The following PRORP variants were observed in gnomAD, a reference collection of about 807,000 sequenced individuals.
PRORP encodes the protein mitochondrial ribonuclease P catalytic subunit.
In PRORP, 51 loss-of-function variants were observed where a neutral mutation model predicts 59.4. The ratio of observed to expected loss-of-function variants is 0.86; its 90% CI spans 0.69 to 1.08. The LOEUF is 1.08. PRORP is among the 50% of genes least tolerant of loss of function. The probability of loss-of-function intolerance (pLI) is 0.00; values close to 1 mark genes in which losing one functional copy is unlikely to be tolerated. For missense variants in PRORP, 646 were observed against 690.3 expected, an observed-to-expected ratio of 0.94 and a Z score of 0.72; for synonymous variants, 231 against 245.6, an observed-to-expected ratio of 0.94 and a Z score of 0.55.
At chr14:35,237,370 G>A (rs2050249767) in intron 5 of PRORP, among the ~76,000 whole-genome samples, 3 of 151,900 alleles carry the variant, frequency 2.0e-5, no homozygotes, top group Admixed American at 1.3e-4. Context: ...TGGGGTTACA[G>A]GCATCAACCA....
chr14:35,225,719 A>G (rs2049917225), intron 5 of PRORP, among the ~76,000 whole-genome samples: 1 of 151,936 alleles, frequency 6.6e-6, no homozygotes, highest in Non-Finnish European at 1.5e-5. Context: ...CAACTGTACA[A>G]CCTGTCTAAT....
intron 3 of PRORP, 109 bp downstream of exon 3, chr14:35,126,891 T>A: frequency 3.8e-6 from 3 of 786,922 alleles, no homozygotes; most frequent in Non-Finnish European, 6.2e-6. Context: ...AATTACAAGT[T>A]TGTAATTAGA....
At chr14:35,237,941 A>C (rs1054511844) in intron 5 of PRORP, among the ~76,000 whole-genome samples, 3 of 152,174 alleles carry the variant, frequency 2.0e-5, no homozygotes, top group African/African-American at 7.2e-5. Context: ...GGCATGAGCC[A>C]CCGTGCCTGG....
intron 4 of PRORP, among the ~76,000 whole-genome samples, chr14:35,155,597 A>T (rs954543094): frequency 2.0e-4 from 30 of 150,722 alleles, no homozygotes; most frequent in Middle Eastern, 3.4e-3. Context: ...ACAAATACAC[A>T]TATGCTTTCA....
chr14:35,205,321 A>G (rs1204371456), intron 5 of PRORP, among the ~76,000 whole-genome samples: 1 of 152,188 alleles, frequency 6.6e-6, no homozygotes, highest in South Asian at 2.1e-4. Context: ...AGCTGGGATT[A>G]CAGGCTAATG....
intron 5 of PRORP, among the ~76,000 whole-genome samples, chr14:35,251,652 T>TCAAGCGATTCTCCTGCCTC: frequency 6.6e-6 from 1 of 152,146 alleles, no homozygotes; most frequent in Non-Finnish European, 1.5e-5. Context: ...CCTCCTGGGT[T>TCAAGCGATTCTCCTGCCTC]CAAGCGATTC....
At chr14:35,217,062 T>C (rs527347531) in intron 5 of PRORP, among the ~76,000 whole-genome samples, 96 of 152,336 alleles carry the variant, frequency 6.3e-4, no homozygotes, top group African/African-American at 2.2e-3. Context: ...TTCTCAGATA[T>C]ATATTTGCAA....
chr14:35,133,251 A>G (rs1039490246), intron 4 of PRORP, among the ~76,000 whole-genome samples: 3 of 152,200 alleles, frequency 2.0e-5, no homozygotes, highest in East Asian at 1.9e-4. Flanking sequence ...CCTGTCTTCA[A>G]TCTCACTAAT....
In PRORP at chr14:35,180,689, A is replaced by G; in HGVS notation, c.1187A>G (p.Asn396Ser). Reference sequence around the variant, plus strand: ...TATTAGGAACTTAAGAGATTTGAGAACTTCATAAAATCTCGTCCTCCTTTT... The same window carrying G: ...TATTAGGAACTTAAGAGATTTGAGAGCTTCATAAAATCTCGTCCTCCTTTT... ...TTPQELKRFE[N>S]FIKSRPPFDV... The change falls in exon 5 of 8, where the codon AAC becomes AGC. Residue 396 changes from asparagine (N) to serine (S), a missense_variant. Coordinates refer to ENST00000534898, the MANE Select transcript of PRORP (RefSeq NM_014672.4). 3 of 1,610,280 alleles carry G rather than the reference A, an allele frequency of 1.9e-6. No homozygotes were observed. In the South Asian group the frequency reaches 3.3e-5, roughly 18 times the overall value.
chr14:35,191,521 G>A lies in PRORP; in HGVS notation c.1275+10744G>A, dbSNP rs1028404558. ...GTACGAGACCAGCCTAGGCAACATA[G>A]CGAGACCCCATCTCTACAGAAGATC... On this transcript the variant is annotated intron_variant, in intron 5 of 7. Coordinates refer to ENST00000534898, the MANE Select transcript of PRORP (RefSeq NM_014672.4). Among the ~76,000 whole-genome samples, 3 of 151,994 alleles carry A rather than the reference G, an allele frequency of 2.0e-5. No individual in the cohort carries two copies. In the East Asian group the frequency reaches 5.8e-4, roughly 29 times the overall value.
Position 35,123,515 on chromosome 14 carries a change from T to G in PRORP, c.270T>G (p.Ala90=), listed in dbSNP as rs764342609. The G allele has an allele frequency of 6.2e-7, 1 of 1,614,200 alleles. No homozygotes were observed. The highest frequency in any genetic ancestry group is 8.5e-7 in the Non-Finnish European group (1 of 1,180,054). The change falls in exon 2 of 8, where the codon GCT becomes GCG. Residue 90 remains alanine (A), a synonymous_variant. Coordinates refer to ENST00000534898, the MANE Select transcript of PRORP (RefSeq NM_014672.4). ...SVPHFFLAGA[A]KERSQMNSQT... The stretch of plus-strand genomic sequence containing the variant: ...CTCATTTTTTTTTAGCTGGAGCAGC[T>G]AAGGAGAGATCACAGATGAATTCTC...
chr14:35,270,330 G>C, intron 6 of PRORP, 71 bp from the exon 7 acceptor site: 1 of 1,445,832 alleles, frequency 6.9e-7, no homozygotes, highest in South Asian at 1.2e-5. Flanking sequence ...TAAGTAAAAA[G>C]TACGGTGAAA....
intron 5 of PRORP, among the ~76,000 whole-genome samples, chr14:35,255,518 C>G (rs1425289754): frequency 6.6e-6 from 1 of 152,152 alleles, no homozygotes; most frequent in Admixed American, 6.6e-5. Context: ...GATAAATGAA[C>G]TGGCCTTTTC....
At chr14:35,264,743 G>C (rs1355174113) in intron 5 of PRORP, among the ~76,000 whole-genome samples, 1 of 152,200 alleles carries the variant, frequency 6.6e-6, no homozygotes, top group Non-Finnish European at 1.5e-5. Flanking sequence ...CACTTTGGGA[G>C]CCGAGGCGGT....
chr14:35,180,767 A>G lies in PRORP; in HGVS notation c.1265A>G (p.Glu422Gly). ...NVAKMFPKVR[E>G]SQLLLNVVSQ... ...GCCAAAATGTTTCCTAAAGTTCGTGAATCTCAACTTGTAAGTATAAGTTTT... is the reference window on the plus strand; with the variant it reads ...GCCAAAATGTTTCCTAAAGTTCGTGGATCTCAACTTGTAAGTATAAGTTTT... Residue 422 changes from glutamate (E) to glycine (G), a missense_variant, in exon 5 of 8, where the codon GAA (glutamate) becomes GGA (glycine). Glu to Gly is a moderately conservative substitution (Grantham distance 98, BLOSUM62 -2). Coordinates refer to ENST00000534898, the MANE Select transcript of PRORP (RefSeq NM_014672.4). The G allele has an allele frequency of 6.3e-7, 1 of 1,597,032 alleles. No homozygotes were observed. The highest frequency in any genetic ancestry group is 8.6e-7 in the Non-Finnish European group (1 of 1,165,298).
chr14:35,229,935 G>A (rs1269936125), intron 5 of PRORP, among the ~76,000 whole-genome samples: 2 of 151,954 alleles, frequency 1.3e-5, no homozygotes, highest in African/African-American at 4.8e-5. Flanking sequence ...TCTTTAGAGG[G>A]CAGTGATTAG....
At chr14:35,249,725 G>T (rs2050567739) in intron 5 of PRORP, among the ~76,000 whole-genome samples, 1 of 152,084 alleles carries the variant, frequency 6.6e-6, no homozygotes, top group Non-Finnish European at 1.5e-5. Context: ...ACGCTATGTG[G>T]GTTACCTGTG....
intron 4 of PRORP, among the ~76,000 whole-genome samples, chr14:35,134,709 G>C (rs1423833836): frequency 6.6e-6 from 1 of 152,112 alleles, no homozygotes; most frequent in Non-Finnish European, 1.5e-5. Context: ...TCAAGTAGAA[G>C]GAGTGGGTCT....
intron 4 of PRORP, among the ~76,000 whole-genome samples, chr14:35,168,204 G>T (rs925927592): frequency 6.6e-6 from 1 of 152,144 alleles, no homozygotes; most frequent in African/African-American, 2.4e-5. Context: ...ATTTTCCAAA[G>T]TGGTTGTACC....
Sources: allele counts gnomAD v4.1 joint callset (sites outside exome capture counted in the v4.1 genomes callset), GRCh38; gene constraint gnomAD v4.1.1; transcripts MANE v1.5; gene names NCBI Gene and HGNC (gene_info 2026-07-23, HGNC 2026-07-21).